Variants in TRHDE observed in about 807,000 individuals in gnomAD.
TRHDE encodes the protein thyrotropin releasing hormone degrading enzyme, also known as thyrotropin-releasing hormone-degrading ectoenzyme.
A neutral mutation model predicts 125.7 loss-of-function variants in TRHDE; 72 were observed. The ratio of observed to expected loss-of-function variants is 0.57; its 90% CI spans 0.47 to 0.70. The LOEUF (loss-of-function observed/expected upper bound fraction) is 0.70. Among genes scored for constraint, TRHDE ranks in the 30% least tolerant of loss-of-function variants. TRHDE has a pLI of 0.00. For missense variants in TRHDE, 1,110 were observed against 1,327.1 expected (o/e 0.84, Z 2.54); for synonymous variants, 509 against 509.1 (o/e 1.00, Z 0.00).
intron 17 of TRHDE, among the ~76,000 whole-genome samples, chr12:72,655,555 G>A (rs913962993): frequency 6.6e-6 from 1 of 152,038 alleles, no homozygotes; most frequent in Non-Finnish European, 1.5e-5. Context: ...AGACCCTACA[G>A]ATAAAGAAAT....
chr12:72,266,841 T>A (rs985471550), intron 2 of TRHDE, among the ~76,000 whole-genome samples: 1 of 152,110 alleles, frequency 6.6e-6, no homozygotes, highest in Non-Finnish European at 1.5e-5. Flanking sequence ...AGATATTTAA[T>A]CTTTTTCAGC....
chr12:72,307,029 G>A (rs1320219359), intron 2 of TRHDE, among the ~76,000 whole-genome samples: 1 of 152,138 alleles, frequency 6.6e-6, no homozygotes, highest in African/African-American at 2.4e-5. Context: ...GGTAGGTGAC[G>A]AGATCAGATA....
chr12:72,435,735 TGGG>T (rs1202405810), intron 3 of TRHDE, among the ~76,000 whole-genome samples: 1 of 151,830 alleles, frequency 6.6e-6, no homozygotes, highest in African/African-American at 2.4e-5. Context: ...CATAATTCTT[TGGG>T]GATGCAATGT....
intron 3 of TRHDE, among the ~76,000 whole-genome samples, chr12:72,427,857 G>A (rs1220557234): frequency 6.6e-6 from 1 of 152,088 alleles, no homozygotes; most frequent in Non-Finnish European, 1.5e-5. Flanking sequence ...AAATTAGATA[G>A]ACTATTGATT....
At chr12:72,134,798 G>A (rs1159085197) in intron 2 of TRHDE, among the ~76,000 whole-genome samples, 2 of 152,134 alleles carry the variant, frequency 1.3e-5, no homozygotes, top group East Asian at 3.9e-4. Flanking sequence ...GTGCAGAGGA[G>A]GAGGTGGGGG....
At chr12:72,661,496 T>G (rs1232224385) in intron 18 of TRHDE, among the ~76,000 whole-genome samples, 1 of 152,162 alleles carries the variant, frequency 6.6e-6, no homozygotes, top group Non-Finnish European at 1.5e-5. Context: ...ATTTTTATAA[T>G]AAATTAAAAC....
At chr12:72,181,928 C>G (rs1431243031) in intron 2 of TRHDE, among the ~76,000 whole-genome samples, 2 of 152,084 alleles carry the variant, frequency 1.3e-5, no homozygotes, top group African/African-American at 4.8e-5. Context: ...TGGCAACCCA[C>G]TTTATGACAT....
chr12:72,577,351 A>T (rs141803863), intron 12 of TRHDE, among the ~76,000 whole-genome samples: 1 of 152,308 alleles, frequency 6.6e-6, no homozygotes, highest in African/African-American at 2.4e-5. Context: ...TATTATTACT[A>T]TTCCCACTCT....
chr12:72,624,113 C>T (rs761220447), intron 15 of TRHDE, among the ~76,000 whole-genome samples: 2 of 151,958 alleles, frequency 1.3e-5, no homozygotes, highest in African/African-American at 4.8e-5. Context: ...ACATAATATC[C>T]ACTATGCTGC....
intron 5 of TRHDE, among the ~76,000 whole-genome samples, chr12:72,492,157 A>C (rs1164787497): frequency 6.6e-6 from 1 of 152,020 alleles, no homozygotes; most frequent in East Asian, 1.9e-4. Context: ...TATATTTTAC[A>C]CATGAGATTT....
chr12:72,215,542 C>T (rs1489543056), intron 2 of TRHDE, among the ~76,000 whole-genome samples: 2 of 152,206 alleles, frequency 1.3e-5, no homozygotes, highest in Non-Finnish European at 2.9e-5. Flanking sequence ...ATACACTTTT[C>T]TGCCACTTCA....
intron 1 of TRHDE, among the ~76,000 whole-genome samples, chr12:72,100,160 G>C (rs1251977616): frequency 6.6e-6 from 1 of 152,060 alleles, no homozygotes; most frequent in African/African-American, 2.4e-5. Context: ...AGGACCCTTG[G>C]CAGACTGCTG....
chr12:72,126,626 G>C (rs920525347), intron 2 of TRHDE, among the ~76,000 whole-genome samples: 3 of 152,166 alleles, frequency 2.0e-5, no homozygotes, highest in Non-Finnish European at 4.4e-5. Flanking sequence ...TTTAATAAAT[G>C]GTGCTGGGAT....
chr12:72,275,942 T>G (rs992357054), intron 1 of TRHDE, among the ~76,000 whole-genome samples: 1 of 152,188 alleles, frequency 6.6e-6, no homozygotes, highest in African/African-American at 2.4e-5. Context: ...AAACAGCATC[T>G]TAGAGAAAGT....
At chr12:72,490,389 GTTA>G (rs1877611185) in intron 5 of TRHDE, among the ~76,000 whole-genome samples, 1 of 151,746 alleles carries the variant, frequency 6.6e-6, no homozygotes, top group Non-Finnish European at 1.5e-5. Flanking sequence ...GGAATATACA[GTTA>G]TTATGGAAAA....
intron 2 of TRHDE, among the ~76,000 whole-genome samples, chr12:72,187,310 AACACACACACACACACAC>A (rs59164233): frequency 6.3e-4 from 83 of 131,330 alleles, no homozygotes; most frequent in East Asian, 2.3e-3. Flanking sequence ...AGAGAAACAC[AACACACACACACACACAC>A]ACACACACAC....
chr12:72,150,750 A>G (rs1876341716), intron 2 of TRHDE, among the ~76,000 whole-genome samples: 1 of 152,032 alleles, frequency 6.6e-6, no homozygotes, highest in Admixed American at 6.5e-5. Context: ...ATGGCTGCAT[A>G]GTATTCCATG....
intron 6 of TRHDE, among the ~76,000 whole-genome samples, chr12:72,516,153 T>G (rs1428080825): frequency 5.3e-5 from 8 of 151,462 alleles, no homozygotes; most frequent in Non-Finnish European, 1.0e-4. Flanking sequence ...ATATGAACTT[T>G]AAAGTAGTTT....
chr12:72,211,397 G>A (rs911342567), intron 2 of TRHDE, among the ~76,000 whole-genome samples: 1 of 152,112 alleles, frequency 6.6e-6, no homozygotes. Flanking sequence ...GCTAATATTA[G>A]ATAAAGTAGA....
Sources: allele counts gnomAD v4.1 joint callset (sites outside exome capture counted in the v4.1 genomes callset), GRCh38; gene constraint gnomAD v4.1.1; transcripts MANE v1.5; gene names NCBI Gene and HGNC (gene_info 2026-07-23, HGNC 2026-07-21).